Variants in LNX2 observed in about 807,000 individuals in gnomAD.
LNX2 encodes the protein ligand of Numb protein X 2.
In LNX2, 35 loss-of-function variants were observed where a neutral mutation model predicts 66.2. That is an observed-to-expected ratio of 0.53 (90% CI 0.40 to 0.70). The LOEUF (loss-of-function observed/expected upper bound fraction) is 0.70. Ranked by LOEUF, LNX2 falls within the 30% of genes least tolerant of loss-of-function variation. The pLI, the probability that LNX2 is intolerant of heterozygous loss-of-function variation, is 0.00. For synonymous variants in LNX2, 337 were observed against 315.6 expected (o/e 1.07, Z -0.72); for missense variants, 791 against 850.8 (o/e 0.93, Z 0.87).
At chr13:27,588,376 C>A (rs1011162455) in intron 1 of LNX2, among the ~76,000 whole-genome samples, 1 of 152,176 alleles carries the variant, frequency 6.6e-6, no homozygotes, top group Non-Finnish European at 1.5e-5. Flanking sequence ...TGAACAACAA[C>A]CTCTATGAAT....
intron 5 of LNX2, among the ~76,000 whole-genome samples, chr13:27,560,217 A>G (rs1955114793): frequency 6.6e-6 from 1 of 152,038 alleles, no homozygotes; most frequent in African/African-American, 2.4e-5. Flanking sequence ...GCCGTCTGCA[A>G]CCCCACCTCC....
In LNX2 at chr13:27,562,604, G is replaced by A. The variant is rs745613572; in HGVS notation, c.1033C>T (p.Arg345Trp). The A allele has an allele frequency of 1.4e-5, 22 of 1,613,980 alleles. No individual in the cohort carries two copies. Among genetic ancestry groups the A allele is most frequent in the African/African-American group, 4.0e-5 (3 of 74,900 alleles). The part of the protein sequence containing the change: ...EEIFQVALHK[R>W]DSGEQLGIKL... ...ATGCCAAGCTGTTCACCAGAGTCCC[G>A]TTTATGAAGAGCCACTTGGAAAATC... is the stretch of plus-strand genomic sequence containing the variant. The change falls in exon 5 of 10, where the codon CGG becomes TGG. Residue 345 changes from arginine (R) to tryptophan (W), a missense_variant. By Grantham distance (101) the Arg-to-Trp change is moderately radical (BLOSUM62 -3). Transcript: ENST00000316334.
intron 1 of LNX2, among the ~76,000 whole-genome samples, chr13:27,613,835 T>C (rs79094069): frequency 3.9e-5 from 6 of 152,174 alleles, no homozygotes. Flanking sequence ...AATGATTAAC[T>C]ACTCGAATGA....
At chr13:27,614,235 TAAAC>T (rs1174408645) in intron 1 of LNX2, among the ~76,000 whole-genome samples, 7 of 152,302 alleles carry the variant, frequency 4.6e-5, no homozygotes, top group African/African-American at 1.7e-4. Flanking sequence ...GGTATAGACA[TAAAC>T]AATTGCCAGC....
At chr13:27,576,622 T>G (rs1429432813) in intron 2 of LNX2, among the ~76,000 whole-genome samples, 1 of 151,686 alleles carries the variant, frequency 6.6e-6, no homozygotes. Flanking sequence ...GCTACTCGGA[T>G]GCTGAGGCAC....
chr13:27,572,002 A>G lies in LNX2; in HGVS notation c.408-2726T>C, dbSNP rs191237560. ...CAACATCACACAGATATTAAATTGC[A>G]GAGCCATAATCCAAACAAACTCAGA... On this transcript the variant is annotated intron_variant, in intron 2 of 9. Coordinates refer to ENST00000316334, the MANE Select transcript of LNX2 (RefSeq NM_153371.4). Among the ~76,000 whole-genome samples, 245 of 152,348 alleles carry G rather than the reference A, an allele frequency of 1.6e-3. 1 individual carries two copies. Among genetic ancestry groups the G allele is most frequent in the African/African-American group, 5.6e-3 (232 of 41,590 alleles).
At chr13:27,550,549 A>T (rs1444609799) in intron 8 of LNX2, 58 bp from the exon 9 acceptor site, 1 of 1,341,296 alleles carries the variant, frequency 7.5e-7, no homozygotes, top group East Asian at 2.4e-5. Flanking sequence ...ATAGCCGCTT[A>T]TTTTTGTTAT....
At chr13:27,591,171 C>A (rs954655275) in intron 1 of LNX2, among the ~76,000 whole-genome samples, 1 of 152,138 alleles carries the variant, frequency 6.6e-6, no homozygotes, top group African/African-American at 2.4e-5. Context: ...CAGAATGATT[C>A]CCATGTGCTG....
chr13:27,575,701 T>A (rs1412844631), intron 2 of LNX2, among the ~76,000 whole-genome samples: 2 of 152,134 alleles, frequency 1.3e-5, no homozygotes, highest in East Asian at 3.9e-4. Flanking sequence ...CTTAATCATG[T>A]CAGCCAACTC....
At chr13:27,571,411 T>C (rs1383429095) in intron 2 of LNX2, among the ~76,000 whole-genome samples, 1 of 152,072 alleles carries the variant, frequency 6.6e-6, no homozygotes, top group African/African-American at 2.4e-5. Context: ...TCTTTTAACA[T>C]AATATATGCA....
In LNX2 at chr13:27,577,276, AATACAT is replaced by A. The variant is rs1488501464; in HGVS notation, c.407+4015_407+4020del. Among the ~76,000 whole-genome samples the A allele has an allele frequency of 9.2e-5, 14 of 152,212 alleles. No homozygotes were observed. In the East Asian group the frequency reaches 2.7e-3, roughly 29 times the overall value. On this transcript the variant is annotated intron_variant, in intron 2 of 9. Coordinates refer to ENST00000316334, the MANE Select transcript of LNX2 (RefSeq NM_153371.4). Reference sequence around the variant, plus strand: ...GATACTAGAATACACATGATTTGCAAATACATATATCTGCTTTTTCACACCATACAT... The same window carrying A: ...GATACTAGAATACACATGATTTGCAAATATCTGCTTTTTCACACCATACAT...
chr13:27,599,234 T>C (rs536741448), intron 1 of LNX2, among the ~76,000 whole-genome samples: 2 of 152,318 alleles, frequency 1.3e-5, no homozygotes, highest in African/African-American at 4.8e-5. Context: ...GTACAGTGCT[T>C]TGAATGCAAC....
At chr13:27,564,580 G>C (rs1441063590) in intron 4 of LNX2, among the ~76,000 whole-genome samples, 1 of 151,922 alleles carries the variant, frequency 6.6e-6, no homozygotes, top group Non-Finnish European at 1.5e-5. Flanking sequence ...GTAGCAAAAA[G>C]CTCTAACAGC....
chr13:27,583,226 G>GCGCGCGTCCTCTCCTATATAAC (rs1311336975), intron 1 of LNX2, among the ~76,000 whole-genome samples: 2 of 29,514 alleles, frequency 6.8e-5, no homozygotes, highest in African/African-American at 4.4e-4. Flanking sequence ...GTGTGTGTGT[G>GCGCGCGTCCTCTCCTATATAAC]TGTGTGTGTG....
chr13:27,586,636 G>A (rs1955489773), intron 1 of LNX2, among the ~76,000 whole-genome samples: 1 of 152,218 alleles, frequency 6.6e-6, no homozygotes, highest in African/African-American at 2.4e-5. Flanking sequence ...AGGAGGACAT[G>A]CCCATGTTCA....
At chr13:27,601,480 A>G (rs1955657968) in intron 1 of LNX2, among the ~76,000 whole-genome samples, 2 of 152,228 alleles carry the variant, frequency 1.3e-5, no homozygotes, top group Non-Finnish European at 2.9e-5. Flanking sequence ...TTAATAAACT[A>G]GAATGATACT....
intron 2 of LNX2, among the ~76,000 whole-genome samples, chr13:27,580,329 C>T (rs936227238): frequency 1.3e-5 from 2 of 149,942 alleles, no homozygotes; most frequent in African/African-American, 4.9e-5. Flanking sequence ...TCCTTCAAGT[C>T]TATGATTTTA....
At position 27,581,349 on chromosome 13, in the gene LNX2, C is replaced by A. The variant is rs1483694121; in HGVS notation, c.355G>T (p.Val119Leu). 4 of 1,557,218 alleles carry A rather than the reference C, an allele frequency of 2.6e-6. No homozygotes were observed. Among genetic ancestry groups the A allele is most frequent in the Non-Finnish European group, 3.5e-6 (4 of 1,148,546 alleles). ...CAACGTTGCATTACATCTTTGCACA[C>A]TGAAGAAAATGGACATAAAACTAAT... ...KLLVLCPFSSVCKDVMQRCDL... is the reference protein window; with the variant it reads ...KLLVLCPFSSLCKDVMQRCDL... The change falls in exon 2 of 10, where the codon GTG (valine) becomes TTG (leucine). Residue 119 changes from valine (V) to leucine (L), a missense_variant. Coordinates refer to ENST00000316334, the MANE Select transcript of LNX2 (RefSeq NM_153371.4).
chr13:27,581,656 G>C lies in LNX2; in HGVS notation c.48C>G (p.Ser16=), dbSNP rs753480458. 3 of 1,613,506 alleles carry C rather than the reference G, an allele frequency of 1.9e-6. No individual in the cohort carries two copies. Among genetic ancestry groups the C allele is most frequent in the Non-Finnish European group, 2.5e-6 (3 of 1,179,646 alleles). Residue 16 remains serine (S), a synonymous_variant, in exon 2 of 10, where the codon TCC becomes TCG. Transcript: ENST00000316334. ...CAAAACACAGGGGGTTTAGAGAAGA[G>C]GAGGAGGTCTGTTCCACAGACACCA... is the stretch of plus-strand genomic sequence containing the variant. ...DEMVSVEQTS[S]SSLNPLCFEC...
Sources: gnomAD v4.1 joint callset for allele counts (sites outside exome capture counted in the v4.1 genomes callset) on GRCh38, gnomAD v4.1.1 for gene constraint, MANE v1.5 for transcripts, NCBI Gene and HGNC (gene_info 2026-07-23, HGNC 2026-07-21) for gene names.